RIMBP2: variants seen among roughly 807,000 people sequenced by gnomAD.
The protein encoded by RIMBP2 is RIMS-binding protein 2.
Under a neutral mutation model 118.6 loss-of-function variants are expected in RIMBP2, and 48 were observed. The ratio of observed to expected loss-of-function variants is 0.40; its 90% CI spans 0.32 to 0.51. The LOEUF (loss-of-function observed/expected upper bound fraction) is 0.51, where lower values mean the gene tolerates loss of function less well. Among genes scored for constraint, RIMBP2 ranks in the 20% least tolerant of loss-of-function variants. The pLI, the probability that RIMBP2 is intolerant of heterozygous loss-of-function variation, is 0.41. For synonymous variants in RIMBP2, 762 were observed against 742.9 expected (o/e 1.03, Z -0.42); for missense variants, 1,551 against 1,768.3 (o/e 0.88, Z 2.20).
intron 4 of RIMBP2, among the ~76,000 whole-genome samples, chr12:130,480,842 C>A (rs559877425): frequency 6.6e-6 from 1 of 152,350 alleles, no homozygotes; most frequent in African/African-American, 2.4e-5. Context: ...CTCAGGCGAT[C>A]CGCCTGCCTC....
rs997343210 is a variant in RIMBP2, at chr12:130,511,876, C to T, written c.-126-5106G>A. On this transcript the variant is annotated intron_variant, in intron 3 of 22. Coordinates refer to ENST00000690449, the MANE Select transcript of RIMBP2 (RefSeq NM_001393629.1). This position sits in a 1 kb window ranked among gnomAD's most constrained non-coding sequence, Gnocchi z 4.3. ...TCTCTGCTGGACAGGAGCCCCTGGG[C>T]CCTGGCTCCTTCTCCAGGCAGCTGC... Among the ~76,000 whole-genome samples the T allele has an allele frequency of 1.6e-4, 25 of 152,228 alleles. 1 individual carries two copies. The Middle Eastern group carries it at 0.024, about 145-fold the overall frequency.
rs746439330 is a variant in RIMBP2, at chr12:130,683,139, C to A, written c.-352+33083G>T. Reference sequence around the variant, plus strand: ...ATTAAGGTAAGGGTAGAGATGAGATCCAGGGGGGTTGGGGTGGACCCTCCA... The same window carrying A: ...ATTAAGGTAAGGGTAGAGATGAGATACAGGGGGGTTGGGGTGGACCCTCCA... On this transcript the variant is annotated intron_variant, in intron 1 of 22. Transcript: ENST00000690449. This position sits in a 1 kb window ranked among gnomAD's most constrained non-coding sequence, Gnocchi z 4.4. Among the ~76,000 whole-genome samples, 1 of 152,066 alleles carries A rather than the reference C, an allele frequency of 6.6e-6. No homozygotes were observed. Among genetic ancestry groups the A allele is most frequent in the Non-Finnish European group, 1.5e-5 (1 of 68,022 alleles).
At chr12:130,440,495 ATC>A (rs770064323) in intron 11 of RIMBP2, among the ~76,000 whole-genome samples, 18 of 151,954 alleles carry the variant, frequency 1.2e-4, no homozygotes, top group Non-Finnish European at 2.2e-4. Flanking sequence ...CTCTACCTGA[ATC>A]TCTCCATCTC....
rs1334033425 is a variant in RIMBP2, at chr12:130,469,692, G to GT, written c.153+1000dup. ...GGAGGAATAGACTTTAAAAGGCAAC[G>GT]TAAGAGATGCACATAGCCCGTTTTA... is the stretch of plus-strand genomic sequence containing the variant. On this transcript the variant is annotated intron_variant, in intron 6 of 22. Transcript: ENST00000690449. The surrounding 1 kb of genome is among the most constrained non-coding windows in gnomAD (Gnocchi z 4.8). Among the ~76,000 whole-genome samples, 4 of 152,134 alleles carry GT rather than the reference G, an allele frequency of 2.6e-5. No individual in the cohort carries two copies. Among genetic ancestry groups the GT allele is most frequent in the African/African-American group, 9.7e-5 (4 of 41,418 alleles).
At chr12:130,661,587 T>C (rs1476908680) in intron 1 of RIMBP2, among the ~76,000 whole-genome samples, 1 of 152,162 alleles carries the variant, frequency 6.6e-6, no homozygotes, top group Non-Finnish European at 1.5e-5. Flanking sequence ...TCTGCAGTGC[T>C]GTGGTGTGTG....
chr12:130,557,182 AAAG>A (rs1008312931), intron 2 of RIMBP2, among the ~76,000 whole-genome samples: 4 of 152,094 alleles, frequency 2.6e-5, no homozygotes, highest in African/African-American at 9.7e-5. Flanking sequence ...GAAGATGGGC[AAAG>A]AAGGGTAAAG....
chr12:130,671,782 C>T (rs942307263), intron 1 of RIMBP2, among the ~76,000 whole-genome samples: 3 of 150,568 alleles, frequency 2.0e-5, no homozygotes, highest in East Asian at 2.0e-4. Flanking sequence ...CAAAATCATC[C>T]GGTTGAGAAC....
chr12:130,454,827 G>A (rs986098162), intron 7 of RIMBP2, among the ~76,000 whole-genome samples: 1 of 152,192 alleles, frequency 6.6e-6, no homozygotes. Flanking sequence ...TGTGGGCCTC[G>A]GACTCACCGG....
chr12:130,553,436 T>C (rs2056028425), intron 2 of RIMBP2, among the ~76,000 whole-genome samples: 1 of 152,244 alleles, frequency 6.6e-6, no homozygotes, highest in Admixed American at 6.5e-5. Context: ...TATCAAGATG[T>C]ATATGTCAAT....
intron 19 of RIMBP2, among the ~76,000 whole-genome samples, chr12:130,409,023 G>T (rs1336536486): frequency 6.6e-6 from 1 of 152,196 alleles, no homozygotes. Flanking sequence ...CTCCTCCAGA[G>T]GTTCGTGTTT....
intron 1 of RIMBP2, among the ~76,000 whole-genome samples, chr12:130,633,195 A>G (rs886212934): frequency 6.6e-6 from 1 of 152,172 alleles, no homozygotes; most frequent in African/African-American, 2.4e-5. Flanking sequence ...AATTATATCT[A>G]TTGTCTGAGT....
At chr12:130,405,503 T>C (rs1487908861) in intron 21 of RIMBP2, among the ~76,000 whole-genome samples, 1 of 152,188 alleles carries the variant, frequency 6.6e-6, no homozygotes. Context: ...TGTGGGCTTC[T>C]GGTCAGGGAG....
At chr12:130,436,110 G>A (rs1441762460) in intron 13 of RIMBP2, among the ~76,000 whole-genome samples, 1 of 152,244 alleles carries the variant, frequency 6.6e-6, no homozygotes, top group Non-Finnish European at 1.5e-5. Flanking sequence ...GGGTGGGGAT[G>A]CGGGCACACG....
intron 2 of RIMBP2, among the ~76,000 whole-genome samples, chr12:130,535,779 A>ATG (rs1566218617): frequency 1.8e-5 from 2 of 111,050 alleles, no homozygotes; most frequent in South Asian, 2.9e-4. Flanking sequence ...ATATATATAT[A>ATG]TATACACATA....
intron 13 of RIMBP2, 118 bp downstream of exon 13, chr12:130,436,724 G>T: frequency 1.3e-6 from 1 of 799,572 alleles, no homozygotes. Flanking sequence ...GCTGAGCGCG[G>T]CCCCCCTCCC....
intron 6 of RIMBP2, among the ~76,000 whole-genome samples, chr12:130,456,901 A>T (rs1289388593): frequency 3.2e-4 from 48 of 152,178 alleles, no homozygotes; most frequent in Admixed American, 3.1e-3. Context: ...TGTGTGTGAC[A>T]TGTGCAGCAG....
chr12:130,594,753 C>T (rs1428805952), intron 2 of RIMBP2, among the ~76,000 whole-genome samples: 1 of 152,042 alleles, frequency 6.6e-6, no homozygotes, highest in African/African-American at 2.4e-5. Flanking sequence ...TCTCTATGTA[C>T]ATGTCTATGA....
At position 130,405,258 on chromosome 12, in the gene RIMBP2, CAT is replaced by C. The variant is rs528528795; in HGVS notation, c.3765+912_3765+913del. ...GAGCTGGAAAGAACTATTTGAAACA[CAT>C]GTGACAAAGTATGAATATCCTCACC... On this transcript the variant is annotated intron_variant, in intron 21 of 22. Coordinates refer to ENST00000690449, the MANE Select transcript of RIMBP2 (RefSeq NM_001393629.1). 1.6e-4 allele frequency among the ~76,000 whole-genome samples: 25 copies of C among 152,310 alleles called. 1 individual carries two copies. The East Asian group carries it at 4.4e-3, about 27-fold the overall frequency.
chr12:130,698,274 C>T (rs1289593074), intron 1 of RIMBP2, among the ~76,000 whole-genome samples: 11 of 152,152 alleles, frequency 7.2e-5, no homozygotes, highest in Admixed American at 7.2e-4. Flanking sequence ...GCCACAGAAC[C>T]CGCCTCCATC....
Sources: gnomAD v4.1 joint callset for allele counts (sites outside exome capture counted in the v4.1 genomes callset) on GRCh38, gnomAD v4.1.1 for gene constraint, Gnocchi (gnomAD v3.1) non-coding constraint, MANE v1.5 for transcripts, NCBI Gene and HGNC (gene_info 2026-07-23, HGNC 2026-07-21) for gene names.